ROBO2: variants seen among roughly 807,000 people sequenced by gnomAD.
The protein encoded by ROBO2 is roundabout guidance receptor 2.
ROBO2 carries 53 observed loss-of-function variants against 160.8 expected under a neutral mutation model. The ratio of observed to expected loss-of-function variants is 0.33; its 90% CI spans 0.26 to 0.41. ROBO2 has a LOEUF of 0.41. ROBO2 is among the 10% of genes least tolerant of loss of function. The probability of loss-of-function intolerance (pLI) is 1.00; values close to 1 mark genes in which losing one functional copy is unlikely to be tolerated. For missense variants in ROBO2, 1,577 were observed against 1,722.4 expected, an observed-to-expected ratio of 0.92 and a Z score of 1.49; for synonymous variants, 664 against 611.7, an observed-to-expected ratio of 1.09 and a Z score of -1.26.
At chr3:76,641,266 A>G (rs2090661073) in intron 2 of ROBO2, among the ~76,000 whole-genome samples, 2 of 152,214 alleles carry the variant, frequency 1.3e-5, no homozygotes, top group African/African-American at 4.8e-5. Context: ...GTATCACCCT[A>G]GCCATGCAAT....
rs17013934 is a variant in ROBO2, at chr3:76,358,734, G to A, written c.109+421132G>A. On this transcript the variant is annotated intron_variant, in intron 2 of 26. Coordinates refer to the ROBO2 transcript ENST00000487694. ...GTTCAGACAATAGGCATTAGAATTTGAAGTTTAAGATGAAAGTTGATGCTG... is the reference window on the plus strand; with the variant it reads ...GTTCAGACAATAGGCATTAGAATTTAAAGTTTAAGATGAAAGTTGATGCTG... Among the ~76,000 whole-genome samples the A allele has an allele frequency of 5.6e-3, 852 of 151,986 alleles. 6 individuals are homozygous for A. The highest frequency in any genetic ancestry group is 0.019 in the African/African-American group (806 of 41,476).
intron 2 of ROBO2, among the ~76,000 whole-genome samples, chr3:76,712,180 T>C (rs2093306998): frequency 6.6e-6 from 1 of 152,224 alleles, no homozygotes; most frequent in Non-Finnish European, 1.5e-5. Flanking sequence ...TATATATTAG[T>C]TCTTAAAAGA....
At chr3:76,229,673 T>C (rs1250823959) in intron 2 of ROBO2, among the ~76,000 whole-genome samples, 1 of 152,176 alleles carries the variant, frequency 6.6e-6, no homozygotes, top group Non-Finnish European at 1.5e-5. Flanking sequence ...CTTTTTGTTT[T>C]GTCCTATTTA....
intron 2 of ROBO2, among the ~76,000 whole-genome samples, chr3:76,111,068 T>C (rs1327721960): frequency 6.6e-6 from 1 of 152,122 alleles, no homozygotes; most frequent in Non-Finnish European, 1.5e-5. Context: ...CCTTAAAATG[T>C]TACCATATTT....
exon 2 of ROBO2, chr3:77,098,202 C>T: frequency 6.2e-7 from 1 of 1,614,194 alleles, no homozygotes; most frequent in Non-Finnish European, 8.5e-7. Context: ...CCACAGGATG[C>T]TTCTGCCCAG....
intron 2 of ROBO2, among the ~76,000 whole-genome samples, chr3:77,457,426 A>G (rs535254022): frequency 6.6e-6 from 1 of 152,332 alleles, no homozygotes; most frequent in South Asian, 2.1e-4. Flanking sequence ...AAATATAAAG[A>G]GAGATAAAGT....
chr3:75,972,159 A>C (rs1252534410), intron 2 of ROBO2, among the ~76,000 whole-genome samples: 1 of 151,640 alleles, frequency 6.6e-6, no homozygotes, highest in East Asian at 2.0e-4. Context: ...TTATCAAAAA[A>C]CTATTTTGAG....
chr3:76,729,462 C>G (rs146622398), intron 2 of ROBO2, among the ~76,000 whole-genome samples: 6 of 152,014 alleles, frequency 3.9e-5, no homozygotes, highest in Admixed American at 3.3e-4. Context: ...TTTAATCTAC[C>G]CATACTTTTA....
At chr3:76,750,684 T>G (rs1379844280) in intron 2 of ROBO2, among the ~76,000 whole-genome samples, 1 of 151,966 alleles carries the variant, frequency 6.6e-6, no homozygotes, top group Non-Finnish European at 1.5e-5. Flanking sequence ...ATGAGTGAAC[T>G]CCCATTCACA....
At chr3:76,121,366 C>G (rs2070745501) in intron 2 of ROBO2, among the ~76,000 whole-genome samples, 1 of 152,054 alleles carries the variant, frequency 6.6e-6, no homozygotes, top group Admixed American at 6.5e-5. Context: ...TCTAACTGTA[C>G]ATAGCAAAGC....
At chr3:76,023,768 A>C (rs1185985537) in intron 2 of ROBO2, among the ~76,000 whole-genome samples, 1 of 151,632 alleles carries the variant, frequency 6.6e-6, no homozygotes, top group East Asian at 1.9e-4. Flanking sequence ...AAGTGATCAC[A>C]TGCTGTTGGA....
At chr3:76,391,082 ATATGT>A (rs2077127323) in intron 2 of ROBO2, among the ~76,000 whole-genome samples, 1 of 151,952 alleles carries the variant, frequency 6.6e-6, no homozygotes, top group Non-Finnish European at 1.5e-5. Flanking sequence ...CATTCAATTA[ATATGT>A]TATAATAAAT....
chr3:75,955,296 A>G (rs1336177974), intron 2 of ROBO2, among the ~76,000 whole-genome samples: 2 of 151,850 alleles, frequency 1.3e-5, no homozygotes, highest in Non-Finnish European at 2.9e-5. Flanking sequence ...ATGAGTGTTT[A>G]GTTGAATTCC....
intron 2 of ROBO2, among the ~76,000 whole-genome samples, chr3:77,320,741 C>T (rs537147134): frequency 2.0e-4 from 31 of 152,052 alleles, no homozygotes; most frequent in Non-Finnish European, 4.0e-4. Context: ...AGGTAGCTTC[C>T]CTCTAGTGGC....
At chr3:77,036,684 A>G (rs143419819), upstream of ROBO2, among the ~76,000 whole-genome samples, 2 of 152,044 alleles carry the variant, frequency 1.3e-5, no homozygotes, top group South Asian at 2.1e-4. Context: ...CTAGATTTCC[A>G]TCTACATTTA....
At chr3:77,105,395 A>G (rs999040774) in intron 2 of ROBO2, among the ~76,000 whole-genome samples, 5 of 152,150 alleles carry the variant, frequency 3.3e-5, no homozygotes, top group Non-Finnish European at 7.4e-5. Flanking sequence ...GTGAGATTTC[A>G]TATATTTTTG....
At chr3:76,141,914 G>C (rs572917675) in intron 2 of ROBO2, among the ~76,000 whole-genome samples, 1 of 151,966 alleles carries the variant, frequency 6.6e-6, no homozygotes, top group Non-Finnish European at 1.5e-5. Flanking sequence ...CTCTAAAACT[G>C]TAACTATTCC....
At chr3:77,123,557 G>T (rs1452816230) in intron 2 of ROBO2, among the ~76,000 whole-genome samples, 2 of 152,008 alleles carry the variant, frequency 1.3e-5, no homozygotes, top group Non-Finnish European at 2.9e-5. Context: ...GTATTAAGGT[G>T]TGGCCCTTGC....
At chr3:75,971,789 T>G (rs2065002795) in intron 2 of ROBO2, among the ~76,000 whole-genome samples, 1 of 151,466 alleles carries the variant, frequency 6.6e-6, no homozygotes, top group African/African-American at 2.4e-5. Flanking sequence ...TAGAGATTCT[T>G]AAGTTTTACA....
Sources: allele counts gnomAD v4.1 joint callset (sites outside exome capture counted in the v4.1 genomes callset), GRCh38; gene constraint gnomAD v4.1.1; transcripts MANE v1.5; gene names NCBI Gene and HGNC (gene_info 2026-07-23, HGNC 2026-07-21).